Variants in MEIS1 observed in about 807,000 individuals in gnomAD.
MEIS1 encodes the protein homeobox protein Meis1.
MEIS1 carries 5 observed loss-of-function variants against 50.8 expected under a neutral mutation model. That is an observed-to-expected ratio of 0.10 (90% CI 0.05 to 0.21). MEIS1 has a LOEUF of 0.21. Ranked by LOEUF, MEIS1 falls within the 10% of genes least tolerant of loss-of-function variation. The probability of loss-of-function intolerance (pLI) is 1.00; values close to 1 mark genes in which losing one functional copy is unlikely to be tolerated. For synonymous variants in MEIS1, 176 were observed against 179.3 expected (o/e 0.98, Z 0.15); for missense variants, 318 against 517.3 (o/e 0.61, Z 3.74).
At chr2:66,501,495 G>GT (rs375216017) in intron 7 of MEIS1, among the ~76,000 whole-genome samples, 12,926 of 148,148 alleles carry the variant, frequency 0.087, 594 homozygotes, top group Middle Eastern at 0.12. Flanking sequence ...TAAAATCTGT[G>GT]TTTTTTTTTT....
chr2:66,439,626 C>T (rs1558518663), intron 2 of MEIS1: 2 of 1,537,542 alleles, frequency 1.3e-6, no homozygotes, highest in South Asian at 2.4e-5. Flanking sequence ...CAGATACCGT[C>T]CATGGCTCAG....
chr2:66,463,168 A>C (rs1322152806), intron 6 of MEIS1, among the ~76,000 whole-genome samples: 1 of 151,750 alleles, frequency 6.6e-6, no homozygotes, highest in Admixed American at 6.6e-5. Flanking sequence ...GCCTGACCTT[A>C]TATGATTGAA....
At chr2:66,567,227 G>C (rs1025877943) in intron 9 of MEIS1, among the ~76,000 whole-genome samples, 1 of 152,036 alleles carries the variant, frequency 6.6e-6, no homozygotes, top group African/African-American at 2.4e-5. Context: ...GGTAAAACAG[G>C]CAAACATAAA....
chr2:66,496,686 G>A (rs1334228181), intron 7 of MEIS1, among the ~76,000 whole-genome samples: 1 of 152,210 alleles, frequency 6.6e-6, no homozygotes, highest in Non-Finnish European at 1.5e-5. Context: ...CTCAGGCCAT[G>A]CCCTAGCTAA....
rs567774861 is a variant in MEIS1 at position 66,571,361 on chromosome 2, T to C, written c.*153T>C. On this transcript the variant is annotated 3_prime_UTR_variant, in exon 13 of 13. Transcript: ENST00000272369. The stretch of plus-strand genomic sequence containing the variant: ...CCCCCCATCCTGCTCAGCTGCGTCA[T>C]GGGCCCCCCATGCATACGTACATTC... 2 of 1,602,158 alleles carry C rather than the reference T, an allele frequency of 1.2e-6. No homozygotes were observed. The highest frequency in any genetic ancestry group is 2.2e-5 in the South Asian group (2 of 89,940).
At chr2:66,438,783 C>CTATTTATT (rs1273263652) in intron 2 of MEIS1, among the ~76,000 whole-genome samples, 1 of 152,072 alleles carries the variant, frequency 6.6e-6, no homozygotes, top group Non-Finnish European at 1.5e-5. Flanking sequence ...ACTTTTATTT[C>CTATTTATT]TATTTATTTA....
At chr2:66,569,282 A>T in intron 12 of MEIS1, 137 bp downstream of exon 12, 1 of 707,786 alleles carries the variant, frequency 1.4e-6, no homozygotes, top group Non-Finnish European at 2.3e-6. Context: ...TGCTTCCATC[A>T]TTTTCTTTTT....
intron 8 of MEIS1, among the ~76,000 whole-genome samples, chr2:66,526,425 C>A (rs1215541824): frequency 6.6e-6 from 1 of 152,198 alleles, no homozygotes; most frequent in Non-Finnish European, 1.5e-5. Context: ...AGGGAGCTGG[C>A]AGGGTGCCTA....
At chr2:66,465,590 A>G (rs192428981) in intron 7 of MEIS1, among the ~76,000 whole-genome samples, 1 of 152,298 alleles carries the variant, frequency 6.6e-6, no homozygotes, top group East Asian at 1.9e-4. Flanking sequence ...AATGGAATAT[A>G]AATTCTTTTT....
chr2:66,483,827 C>T (rs370079509), intron 7 of MEIS1, among the ~76,000 whole-genome samples: 1 of 152,138 alleles, frequency 6.6e-6, no homozygotes, highest in Non-Finnish European at 1.5e-5. Flanking sequence ...GTTGAGTGTC[C>T]TTGGGGGTCC....
At chr2:66,468,039 G>T (rs182744259) in intron 7 of MEIS1, among the ~76,000 whole-genome samples, 81 of 152,296 alleles carry the variant, frequency 5.3e-4, no homozygotes, top group African/African-American at 1.8e-3. Flanking sequence ...TAATAGCTCA[G>T]AAATATTGAA....
intron 7 of MEIS1, among the ~76,000 whole-genome samples, chr2:66,501,628 A>T (rs1673559430): frequency 6.6e-6 from 1 of 152,112 alleles, no homozygotes; most frequent in African/African-American, 2.4e-5. Flanking sequence ...TTCCTATCTC[A>T]AAAGAACAAA....
intron 7 of MEIS1, among the ~76,000 whole-genome samples, chr2:66,488,480 C>G (rs533349923): frequency 6.6e-6 from 1 of 152,210 alleles, no homozygotes; most frequent in East Asian, 1.9e-4. Context: ...AGATCAAGAC[C>G]ATCCTGGCCA....
intron 8 of MEIS1, among the ~76,000 whole-genome samples, chr2:66,546,977 C>A (rs1470069010): frequency 6.6e-6 from 1 of 152,066 alleles, no homozygotes; most frequent in Non-Finnish European, 1.5e-5. Context: ...GTTGGGGGTG[C>A]ACTTTTCCAT....
At chr2:66,475,704 C>T (rs1672877420) in intron 7 of MEIS1, among the ~76,000 whole-genome samples, 1 of 152,200 alleles carries the variant, frequency 6.6e-6, no homozygotes, top group African/African-American at 2.4e-5. Context: ...TATCCTCACA[C>T]AGGGAGTCCA....
At chr2:66,464,951 G>A (rs1342641662) in intron 7 of MEIS1, among the ~76,000 whole-genome samples, 1 of 152,212 alleles carries the variant, frequency 6.6e-6, no homozygotes, top group Non-Finnish European at 1.5e-5. Flanking sequence ...AGAGCCCGCT[G>A]TGTGGATTTT....
intron 7 of MEIS1, among the ~76,000 whole-genome samples, chr2:66,481,973 G>A (rs1394314004): frequency 6.7e-6 from 1 of 148,294 alleles, no homozygotes; most frequent in Admixed American, 6.9e-5. Flanking sequence ...TCCTGCCTCA[G>A]CCTCCCGAGT....
At chr2:66,468,568 C>T (rs1672693959) in intron 7 of MEIS1, among the ~76,000 whole-genome samples, 1 of 152,218 alleles carries the variant, frequency 6.6e-6, no homozygotes. Context: ...AGGCCACACA[C>T]CGGCTGGTGC....
At chr2:66,570,659 CAA>C (rs1675464046) in intron 12 of MEIS1, 1 of 152,556 alleles carries the variant, frequency 6.6e-6, no homozygotes, top group African/African-American at 2.4e-5. Flanking sequence ...ATGCAGAAGA[CAA>C]GAGGCCCCCT....
Sources: gnomAD v4.1 joint callset for allele counts (sites outside exome capture counted in the v4.1 genomes callset) on GRCh38, gnomAD v4.1.1 for gene constraint, MANE v1.5 for transcripts, NCBI Gene and HGNC (gene_info 2026-07-23, HGNC 2026-07-21) for gene names.